PKIB: variants seen among roughly 807,000 people sequenced by gnomAD.
The protein encoded by PKIB is PKI-beta.
In PKIB, 2 loss-of-function variants were observed where a neutral mutation model predicts 4.5. The ratio of observed to expected loss-of-function variants is 0.44; its 90% CI spans 0.18 to 1.39. The LOEUF is 1.39. PKIB is among the 40% of genes most tolerant of loss of function. The pLI is 0.27. For missense variants in PKIB, 94 were observed against 92.6 expected, an observed-to-expected ratio of 1.02 and a Z score of -0.06; for synonymous variants, 38 against 36.0, an observed-to-expected ratio of 1.06 and a Z score of -0.20.
intron 2 of PKIB, among the ~76,000 whole-genome samples, chr6:122,545,743 A>G (rs530421135): frequency 2.6e-5 from 4 of 151,302 alleles, no homozygotes; most frequent in Middle Eastern, 3.4e-3. Flanking sequence ...TGCAACATGC[A>G]ATTTACCCAT....
chr6:122,476,280 G>A (rs769827985), intron 1 of PKIB, among the ~76,000 whole-genome samples: 7 of 152,124 alleles, frequency 4.6e-5, no homozygotes, highest in Non-Finnish European at 7.4e-5. Flanking sequence ...GTATTTCACA[G>A]ATATTCTGAA....
intron 2 of PKIB, among the ~76,000 whole-genome samples, chr6:122,584,308 T>C (rs868041619): frequency 6.6e-6 from 1 of 152,126 alleles, no homozygotes; most frequent in African/African-American, 2.4e-5. Context: ...ATCAAATGAA[T>C]AAGTTCAAAT....
intron 3 of PKIB, among the ~76,000 whole-genome samples, chr6:122,692,480 A>T (rs1367024213): frequency 6.6e-6 from 1 of 152,102 alleles, no homozygotes; most frequent in African/African-American, 2.4e-5. Flanking sequence ...CCACAGCCCC[A>T]TGGGGAGTAC....
intron 2 of PKIB, among the ~76,000 whole-genome samples, chr6:122,576,826 GTT>G (rs1207554636): frequency 2.0e-5 from 3 of 150,966 alleles, no homozygotes; most frequent in Admixed American, 2.0e-4. Flanking sequence ...TATCGCATGT[GTT>G]TTTAAATTAA....
At chr6:122,521,985 A>G (rs1311205522) in intron 2 of PKIB, among the ~76,000 whole-genome samples, 2 of 152,128 alleles carry the variant, frequency 1.3e-5, no homozygotes, top group East Asian at 1.9e-4. Context: ...CTGAACATTC[A>G]TTAGCAGTTC....
intron 2 of PKIB, among the ~76,000 whole-genome samples, chr6:122,511,793 G>T (rs1318759627): frequency 6.6e-6 from 1 of 152,212 alleles, no homozygotes; most frequent in African/African-American, 2.4e-5. Flanking sequence ...GGTAATAGTG[G>T]TTTAAATGAA....
At chr6:122,660,792 A>G (rs1006892689) in intron 2 of PKIB, among the ~76,000 whole-genome samples, 3 of 152,210 alleles carry the variant, frequency 2.0e-5, no homozygotes, top group Non-Finnish European at 4.4e-5. Context: ...TCAAGATAAC[A>G]TACTTGCAAC....
chr6:122,571,468 A>G (rs1023918915), intron 2 of PKIB, among the ~76,000 whole-genome samples: 2 of 152,342 alleles, frequency 1.3e-5, no homozygotes, highest in Non-Finnish European at 1.5e-5. Flanking sequence ...TAAAGCCAAC[A>G]TGAAGAAAAG....
intron 2 of PKIB, among the ~76,000 whole-genome samples, chr6:122,494,896 C>T (rs1479174953): frequency 1.3e-5 from 2 of 152,224 alleles, no homozygotes; most frequent in African/African-American, 2.4e-5. Context: ...GGGAGAACCT[C>T]CCTGACACCT....
intron 1 of PKIB, among the ~76,000 whole-genome samples, chr6:122,477,224 A>T (rs1303954275): frequency 6.6e-6 from 1 of 152,238 alleles, no homozygotes; most frequent in African/African-American, 2.4e-5. Flanking sequence ...AATGTCCAGT[A>T]GTCCCTATAT....
chr6:122,609,050 C>A (rs1582733817), upstream of PKIB, among the ~76,000 whole-genome samples: 1 of 96,848 alleles, frequency 1.0e-5, no homozygotes, highest in Non-Finnish European at 2.9e-5. Context: ...ATATAAATAA[C>A]TCTCAGTCTC....
chr6:122,479,173 G>C (rs1775532945), intron 2 of PKIB: 1 of 152,204 alleles, frequency 6.6e-6, no homozygotes, highest in Admixed American at 6.5e-5. Flanking sequence ...GAATGCTGCA[G>C]AGAGCTGTTC....
At chr6:122,644,163 T>C (rs1776226316) in intron 2 of PKIB, 1 of 152,246 alleles carries the variant, frequency 6.6e-6, no homozygotes, top group South Asian at 2.1e-4. Flanking sequence ...ACGTACATCA[T>C]AGTTTAATCA....
chr6:122,568,063 C>G (rs543237120), intron 2 of PKIB, among the ~76,000 whole-genome samples: 18 of 151,900 alleles, frequency 1.2e-4, no homozygotes, highest in African/African-American at 4.3e-4. Flanking sequence ...TTTCATACGT[C>G]AAAAAACGAA....
chr6:122,681,738 T>C (rs879387831), intron 3 of PKIB, among the ~76,000 whole-genome samples: 1 of 152,256 alleles, frequency 6.6e-6, no homozygotes, highest in Admixed American at 6.5e-5. Flanking sequence ...TTGCACTTGC[T>C]AATTAAATGA....
chr6:122,566,546 A>T (rs1773200729), intron 2 of PKIB, among the ~76,000 whole-genome samples: 1 of 152,068 alleles, frequency 6.6e-6, no homozygotes. Flanking sequence ...TAAAAATATT[A>T]TAACCAAAAA....
chr6:122,648,935 C>T (rs558614533), intron 2 of PKIB, among the ~76,000 whole-genome samples: 2 of 152,268 alleles, frequency 1.3e-5, no homozygotes, highest in South Asian at 2.1e-4. Context: ...GCTGAGCCCA[C>T]GCATAACCTT....
chr6:122,646,943 C>G (rs988590154), intron 2 of PKIB, among the ~76,000 whole-genome samples: 3 of 152,090 alleles, frequency 2.0e-5, no homozygotes, highest in Non-Finnish European at 4.4e-5. Context: ...TCCACTTTTA[C>G]ATGCCCTCAC....
chr6:122,624,819 C>T (rs942007504), intron 1 of PKIB, among the ~76,000 whole-genome samples: 2 of 152,156 alleles, frequency 1.3e-5, no homozygotes, highest in African/African-American at 4.8e-5. Flanking sequence ...AAGATCCACT[C>T]TGTGATAGAC....
Sources: allele counts gnomAD v4.1 joint callset (sites outside exome capture counted in the v4.1 genomes callset), GRCh38; gene constraint gnomAD v4.1.1; transcripts MANE v1.5; gene names NCBI Gene and HGNC (gene_info 2026-07-23, HGNC 2026-07-21).